The following DYSF variants were observed in gnomAD, a reference collection of about 807,000 sequenced individuals.
DYSF encodes dysferlin.
Under a neutral mutation model 274.9 loss-of-function variants are expected in DYSF, and 212 were observed. The ratio of observed to expected loss-of-function variants is 0.77; its 90% CI spans 0.69 to 0.86. DYSF has a LOEUF of 0.86. DYSF is among the 40% of genes least tolerant of loss of function. The pLI is 0.00. For synonymous variants in DYSF, 1,091 were observed against 1,078.7 expected (o/e 1.01, Z -0.22); for missense variants, 2,666 against 2,783.2 (o/e 0.96, Z 0.95).
At chr2:71,658,252 A>G (rs1049226773) in intron 43 of DYSF, among the ~76,000 whole-genome samples, 3 of 152,112 alleles carry the variant, frequency 2.0e-5, no homozygotes, top group Non-Finnish European at 4.4e-5. Context: ...CAAGTTCCCC[A>G]TCTCTATCTG....
chr2:71,662,233 A>G (rs2094893834), intron 45 of DYSF, among the ~76,000 whole-genome samples: 1 of 152,158 alleles, frequency 6.6e-6, no homozygotes, highest in South Asian at 2.1e-4. Flanking sequence ...CATGTATTCC[A>G]TGGCGTTACC....
intron 30 of DYSF, 132 bp downstream of exon 30, chr2:71,574,503 G>C (rs2092634681): frequency 8.8e-7 from 1 of 1,132,442 alleles, no homozygotes; most frequent in Non-Finnish European, 1.2e-6. Flanking sequence ...TGGTCATCCT[G>C]GCGTCAGTAC....
chr2:71,456,539 T>C (rs1319904943), intron 1 of DYSF, among the ~76,000 whole-genome samples: 2 of 152,186 alleles, frequency 1.3e-5, no homozygotes, highest in East Asian at 1.9e-4. Flanking sequence ...CCAGCTGGGC[T>C]GGGTCTGCTC....
chr2:71,493,463 A>G (rs1290198715), intron 3 of DYSF, among the ~76,000 whole-genome samples: 1 of 152,220 alleles, frequency 6.6e-6, no homozygotes, highest in Non-Finnish European at 1.5e-5. Flanking sequence ...CTAAATAACG[A>G]ACAGAGAAAA....
rs398123794 is a variant in DYSF at position 71,669,191 on chromosome 2, G to A, written c.5626G>A (p.Asp1876Asn). Residue 1876 changes from aspartate to asparagine, a missense_variant, in exon 50 of 56, where the codon GAC becomes AAC. Transcript: ENST00000410020. ...GAGCCTCACGGGGGAGAAGATGAGC[G>A]ACATTTATGTGAAAGGGTAGGGAGC... ...DLSLTGEKMS[D>N]IYVKGWMIGF... The A allele has an allele frequency of 1.1e-5, 17 of 1,608,280 alleles. No individual in the cohort carries two copies. Among genetic ancestry groups the A allele is most frequent in the East Asian group, 8.9e-5 (4 of 44,814 alleles).
chr2:71,520,943 C>A (rs753113179), intron 12 of DYSF, 39 bp downstream of exon 12: 35 of 1,591,724 alleles, frequency 2.2e-5, no homozygotes, highest in Non-Finnish European at 3.0e-5. Flanking sequence ...CGGTCCCCCA[C>A]GCGGCACTTG....
chr2:71,598,655 C>G lies in DYSF; in HGVS notation c.3666C>G (p.Ile1222Met). 6.2e-7 allele frequency: 1 copy of G among 1,614,182 alleles called. No individual in the cohort carries two copies. The highest frequency in any genetic ancestry group is 8.5e-7 in the Non-Finnish European group (1 of 1,180,052). ...TLNPTWDQTL[I>M]FYEIEIFGEP... The stretch of plus-strand genomic sequence containing the variant: ...ACCCCACCTGGGACCAGACGCTCAT[C>G]TTCTACGAGATCGAGATCTTTGGCG... The change falls in exon 33 of 56, where the codon ATC (isoleucine) becomes ATG (methionine). Residue 1222 changes from isoleucine to methionine, a missense_variant. Physicochemically the swap from Ile to Met is conservative, Grantham distance 10 (BLOSUM62 1). This residue lies in a region of DYSF where 1,460 missense variants were observed against 1,502.1 expected (regional missense o/e 0.97). Transcript: ENST00000410020.
intron 30 of DYSF, among the ~76,000 whole-genome samples, chr2:71,578,595 G>A (rs1020773389): frequency 1.3e-5 from 2 of 152,204 alleles, no homozygotes; most frequent in Non-Finnish European, 2.9e-5. Context: ...CTAATGAGGG[G>A]AGGCTTCTTG....
chr2:71,644,102 GCGTA>G, intron 42 of DYSF, 39 bp downstream of exon 42: 1 of 1,536,622 alleles, frequency 6.5e-7, no homozygotes, highest in South Asian at 1.2e-5. Context: ...GTGTGTGTGT[GCGTA>G]CTGGGCAGTG....
chr2:71,674,955 C>T (rs1180350428), intron 52 of DYSF, among the ~76,000 whole-genome samples: 1 of 152,136 alleles, frequency 6.6e-6, no homozygotes, highest in African/African-American at 2.4e-5. Flanking sequence ...TCTATCCATA[C>T]AATGGGAGAG....
chr2:71,536,686 T>C (rs147951828), intron 16 of DYSF, among the ~76,000 whole-genome samples: 8 of 152,318 alleles, frequency 5.3e-5, no homozygotes, highest in African/African-American at 1.7e-4. Context: ...AATCTGGTGG[T>C]TGCATCTCTG....
chr2:71,468,076 A>G (rs2152646452), intron 1 of DYSF, among the ~76,000 whole-genome samples: 1 of 152,364 alleles, frequency 6.6e-6, no homozygotes, highest in East Asian at 1.9e-4. Context: ...TGAAACGTTT[A>G]AGAAAATTTC....
At chr2:71,568,904 G>C (rs112085349) in intron 26 of DYSF, among the ~76,000 whole-genome samples, 1 of 148,550 alleles carries the variant, frequency 6.7e-6, no homozygotes, top group East Asian at 2.0e-4. Context: ...ACGGAGTCTC[G>C]CTCGGTCGCC....
chr2:71,480,797 G>A, intron 1 of DYSF, 86 bp from the exon 2 acceptor site: 3 of 1,264,532 alleles, frequency 2.4e-6, no homozygotes, highest in Non-Finnish European at 3.5e-6. Context: ...CCAAGCTGAA[G>A]CACAGGTCTC....
intron 30 of DYSF, among the ~76,000 whole-genome samples, chr2:71,580,895 A>T (rs941907723): frequency 1.3e-5 from 2 of 152,244 alleles, no homozygotes; most frequent in African/African-American, 4.8e-5. Context: ...GCAAAATGCC[A>T]GCGCCCAGAT....
At chr2:71,660,364 A>C (rs2094855821) in intron 44 of DYSF, among the ~76,000 whole-genome samples, 196 bp from the exon 45 acceptor site, 1 of 152,228 alleles carries the variant, frequency 6.6e-6, no homozygotes, top group African/African-American at 2.4e-5. Flanking sequence ...GGCTGGAGCC[A>C]AGACCAGAAG....
At chr2:71,616,494 G>A (rs920796183) in intron 40 of DYSF, among the ~76,000 whole-genome samples, 3 of 150,932 alleles carry the variant, frequency 2.0e-5, no homozygotes, top group East Asian at 2.0e-4. Context: ...GGTGGGGGTG[G>A]TAGGAGCAGG....
chr2:71,540,527 A>G (rs2089839638), intron 17 of DYSF, among the ~76,000 whole-genome samples: 1 of 152,114 alleles, frequency 6.6e-6, no homozygotes, highest in South Asian at 2.1e-4. Context: ...TCCCCAACAC[A>G]GGGTAAAATA....
chr2:71,502,830 T>A (rs913106886), intron 3 of DYSF, among the ~76,000 whole-genome samples: 1 of 152,130 alleles, frequency 6.6e-6, no homozygotes, highest in African/African-American at 2.4e-5. Context: ...TCATATGATC[T>A]GCTGGGGCTC....
Sources: allele counts gnomAD v4.1 joint callset (sites outside exome capture counted in the v4.1 genomes callset), GRCh38; gene constraint gnomAD v4.1.1; regional missense constraint gnomAD v4.1.1; transcripts MANE v1.5; gene names NCBI Gene and HGNC (gene_info 2026-07-23, HGNC 2026-07-21).